The following OXR1 variants were observed in gnomAD, a reference collection of about 807,000 sequenced individuals.
OXR1 encodes the protein oxidation resistance protein 1.
A neutral mutation model predicts 104.6 loss-of-function variants in OXR1; 41 were observed. The observed-to-expected ratio is 0.39, with a 90% CI of 0.31 to 0.51. OXR1 has a LOEUF of 0.51. Among genes scored for constraint, OXR1 ranks in the 20% least tolerant of loss-of-function variants. OXR1 has a pLI of 0.77. For synonymous variants in OXR1, 348 were observed against 348.4 expected (o/e 1.00, Z 0.01); for missense variants, 955 against 1,031.9 (o/e 0.93, Z 1.02).
At chr8:106,565,877 G>T (rs1817034858) in intron 3 of OXR1, among the ~76,000 whole-genome samples, 1 of 152,102 alleles carries the variant, frequency 6.6e-6, no homozygotes, top group African/African-American at 2.4e-5. Flanking sequence ...ATAGGGAAAG[G>T]ATTCCCTATG....
intron 3 of OXR1, among the ~76,000 whole-genome samples, chr8:106,672,487 A>G (rs1827126332): frequency 8.0e-6 from 1 of 125,390 alleles, no homozygotes; most frequent in South Asian, 2.9e-4. Flanking sequence ...ACTCCATCAA[A>G]GAAAGAAAGA....
rs1209522262 is a variant in OXR1 at position 106,706,278 on chromosome 8, T to C, written c.861-104T>C. ...TTTGGAGATACGTGCTACATCCTTT[T>C]GTTAAAAAGTCTTTTTAGTGATACT... is the stretch of plus-strand genomic sequence containing the variant. On this transcript the variant is annotated intron_variant, in intron 8 of 16. Transcript: ENST00000517566. 5.7e-6 allele frequency: 4 copies of C among 705,260 alleles called. No homozygotes were observed. In the East Asian group the frequency reaches 1.3e-4, roughly 22 times the overall value. 43.7% of individuals were successfully genotyped at this position (705,260 alleles called of 1,614,324 possible).
chr8:106,346,968 A>G (rs1260010948), intron 1 of OXR1, among the ~76,000 whole-genome samples: 1 of 152,168 alleles, frequency 6.6e-6, no homozygotes. Context: ...GCGTGAACCC[A>G]GGAGGTGGAG....
intron 1 of OXR1, among the ~76,000 whole-genome samples, chr8:106,307,104 T>G (rs1306383475): frequency 2.6e-5 from 4 of 152,090 alleles, no homozygotes; most frequent in African/African-American, 7.2e-5. Flanking sequence ...AGGAATAGCA[T>G]GAATCATCAA....
At chr8:106,372,421 G>A (rs1215521466) in intron 2 of OXR1, among the ~76,000 whole-genome samples, 1 of 148,622 alleles carries the variant, frequency 6.7e-6, no homozygotes, top group Non-Finnish European at 1.5e-5. Context: ...TTTTTTTTTC[G>A]ATGGCAGCCT....
chr8:106,418,734 G>A (rs1297469472), intron 2 of OXR1, among the ~76,000 whole-genome samples: 1 of 152,068 alleles, frequency 6.6e-6, no homozygotes, highest in Non-Finnish European at 1.5e-5. Context: ...TGGGTTAATA[G>A]ATAGTTCAGC....
chr8:106,633,073 A>C (rs1822829211), intron 3 of OXR1, among the ~76,000 whole-genome samples: 1 of 151,964 alleles, frequency 6.6e-6, no homozygotes, highest in Non-Finnish European at 1.5e-5. Context: ...GTCTCTACTA[A>C]AAATACAAAA....
chr8:106,441,864 A>G lies in OXR1; in HGVS notation c.24-77079A>G, dbSNP rs114835628. Among the ~76,000 whole-genome samples, 1,283 of 152,330 alleles carry G rather than the reference A, an allele frequency of 8.4e-3. 28 individuals carry two copies. The highest frequency in any genetic ancestry group is 0.03 in the African/African-American group (1,234 of 41,580). ...ATATAAAGACATGTCGTCTGCAAAC[A>G]GTAACAACTTGACTTCCTCTCTTCC... On this transcript the variant is annotated intron_variant, in intron 2 of 16. Coordinates refer to ENST00000517566, the MANE Select transcript of OXR1 (RefSeq NM_001198533.2).
intron 16 of OXR1, 100 bp from the exon 17 acceptor site, chr8:106,750,706 A>G (rs1329057372): frequency 8.4e-6 from 7 of 828,582 alleles, no homozygotes; most frequent in Non-Finnish European, 1.3e-5. Context: ...GGATTTGAGA[A>G]AATTAATAAC....
At chr8:106,538,682 T>C (rs576510285) in intron 3 of OXR1, among the ~76,000 whole-genome samples, 1 of 152,316 alleles carries the variant, frequency 6.6e-6, no homozygotes, top group South Asian at 2.1e-4. Flanking sequence ...AGGGATCTTT[T>C]CTCAACATGT....
intron 3 of OXR1, among the ~76,000 whole-genome samples, chr8:106,569,434 T>A (rs1339271407): frequency 6.6e-6 from 1 of 152,172 alleles, no homozygotes; most frequent in African/African-American, 2.4e-5. Context: ...CGTATAGGTA[T>A]TATGTTGAAA....
chr8:106,362,605 G>C (rs975682964), intron 2 of OXR1, among the ~76,000 whole-genome samples: 1 of 152,002 alleles, frequency 6.6e-6, no homozygotes, highest in African/African-American at 2.4e-5. Flanking sequence ...GTCTCAGTTG[G>C]AAAAAAGGAA....
In OXR1 at chr8:106,339,506, AAAAAAAAAAAAAAATATATAT is replaced by A. The variant is rs1185526879; in HGVS notation, c.-138-19968_-138-19948del. ...GAGACTCCATCCAAAAAAAAAAAAA[AAAAAAAAAAAAAAATATATAT>A]ATATATATATATATATATATATATA... On this transcript the variant is annotated intron_variant, in intron 1 of 16. Coordinates refer to ENST00000517566, the MANE Select transcript of OXR1 (RefSeq NM_001198533.2). Among the ~76,000 whole-genome samples, 26 of 44,258 alleles carry A rather than the reference AAAAAAAAAAAAAAATATATAT, an allele frequency of 5.9e-4. 3 individuals carry two copies. Among genetic ancestry groups the A allele is most frequent in the South Asian group, 8.3e-4 (1 of 1,204 alleles). The allele number at this position is 44,258 out of a possible 152,430, so 29.0% of individuals were successfully genotyped here. A position where few individuals can be genotyped will look rare whatever the true frequency, so the allele number is the denominator to read the frequency against.
At chr8:106,309,175 T>A (rs1343515833) in intron 1 of OXR1, among the ~76,000 whole-genome samples, 7 of 152,018 alleles carry the variant, frequency 4.6e-5, no homozygotes, top group Admixed American at 6.6e-5. Context: ...AGAGATGAGC[T>A]CTCACTATGT....
intron 2 of OXR1, among the ~76,000 whole-genome samples, chr8:106,402,843 C>T (rs925690415): frequency 6.6e-6 from 1 of 151,966 alleles, no homozygotes. Flanking sequence ...CTTTTTGAGA[C>T]AGAATCTCGC....
At chr8:106,631,536 GT>G (rs933789057) in intron 3 of OXR1, among the ~76,000 whole-genome samples, 1 of 152,144 alleles carries the variant, frequency 6.6e-6, no homozygotes, top group African/African-American at 2.4e-5. Context: ...CTATTAAAAT[GT>G]TTTTGTGGTC....
chr8:106,684,137 T>G, intron 5 of OXR1, 109 bp from the exon 6 acceptor site: 1 of 617,286 alleles, frequency 1.6e-6, no homozygotes, highest in Non-Finnish European at 2.9e-6. Flanking sequence ...TGAAAATTTT[T>G]ATGTTTTTCT....
At chr8:106,348,869 C>T (rs1414307064) in intron 1 of OXR1, among the ~76,000 whole-genome samples, 1 of 152,160 alleles carries the variant, frequency 6.6e-6, no homozygotes, top group African/African-American at 2.4e-5. Context: ...GCATAGGCCA[C>T]ACTGAGGAGG....
rs2131244963 is a variant in OXR1, at chr8:106,684,372, G to A, written c.525+13G>A. 2 of 1,284,234 alleles carry A rather than the reference G, an allele frequency of 1.6e-6. No homozygotes were observed. The highest frequency in any genetic ancestry group is 1.8e-4 in the Middle Eastern group (1 of 5,422). 79.6% of individuals were successfully genotyped at this position (1,284,234 alleles called of 1,614,324 possible). On this transcript the variant is annotated intron_variant, in intron 6 of 16. Transcript: ENST00000517566. The stretch of plus-strand genomic sequence containing the variant: ...TGATAAGACCACTGTAAGTATCTCT[G>A]CTTTGCAAAGATGGCGATGAAGAAA...
Sources: allele counts gnomAD v4.1 joint callset (sites outside exome capture counted in the v4.1 genomes callset), GRCh38; gene constraint gnomAD v4.1.1; transcripts MANE v1.5; gene names NCBI Gene and HGNC (gene_info 2026-07-23, HGNC 2026-07-21).